The following NEO1 variants were observed in gnomAD, a reference collection of about 807,000 sequenced individuals.
The protein encoded by NEO1 is neogenin.
In NEO1, 63 loss-of-function variants were observed where a neutral mutation model predicts 159.7. That is an observed-to-expected ratio of 0.39 (90% CI 0.32 to 0.49). The LOEUF (loss-of-function observed/expected upper bound fraction) is 0.49, where lower values mean the gene tolerates loss of function less well. NEO1 is among the 20% of genes least tolerant of loss of function. The pLI, the probability that NEO1 is intolerant of heterozygous loss-of-function variation, is 0.85. For synonymous variants in NEO1, 633 were observed against 662.0 expected (o/e 0.96, Z 0.67); for missense variants, 1,615 against 1,831.0 (o/e 0.88, Z 2.15).
At position 73,245,798 on chromosome 15, in the gene NEO1, G is replaced by A. The variant is rs181045028; in HGVS notation, c.1606+1300G>A. On this transcript the variant is annotated intron_variant, in intron 9 of 28. Coordinates refer to ENST00000261908, the MANE Select transcript of NEO1 (RefSeq NM_002499.4). ...GGGTTTCACTGTGTTAGCTAGGATG[G>A]TCTCAATCTCCTGACCTCGTGATCC... Among the ~76,000 whole-genome samples the A allele has an allele frequency of 2.7e-3, 410 of 151,762 alleles. 2 individuals carry two copies. The Middle Eastern group carries it at 0.038, about 14-fold the overall frequency.
intron 1 of NEO1, among the ~76,000 whole-genome samples, chr15:73,089,519 T>C (rs771809933): frequency 6.6e-6 from 1 of 151,986 alleles, no homozygotes; most frequent in African/African-American, 2.4e-5. Context: ...AATAAAAATA[T>C]GCAATGCATG....
intron 5 of NEO1, among the ~76,000 whole-genome samples, chr15:73,174,126 T>C (rs1456022118): frequency 6.6e-6 from 1 of 151,828 alleles, no homozygotes; most frequent in Non-Finnish European, 1.5e-5. Flanking sequence ...TATTAACTAT[T>C]AAAATCTACT....
rs118070272 is a variant in NEO1 at position 73,173,476 on chromosome 15, A to T, written c.1016-2927A>T. 9.0e-3 allele frequency among the ~76,000 whole-genome samples: 1,371 copies of T among 152,274 alleles called. 16 individuals are homozygous for T. The highest frequency in any genetic ancestry group is 0.027 in the Middle Eastern group (8 of 294). On this transcript the variant is annotated intron_variant, in intron 5 of 28. Coordinates refer to ENST00000261908, the MANE Select transcript of NEO1 (RefSeq NM_002499.4). ...CAAATCTGTCATTCTTTTTGGGATG[A>T]CTGATCTTGCCAGATATATGTAAAG...
intron 5 of NEO1, among the ~76,000 whole-genome samples, chr15:73,171,425 G>A (rs986652281): frequency 1.3e-5 from 2 of 151,730 alleles, no homozygotes; most frequent in African/African-American, 4.8e-5. Flanking sequence ...TTAGCTGGGT[G>A]TGGTGGTGCG....
At chr15:73,094,353 T>G (rs1005314756) in intron 1 of NEO1, among the ~76,000 whole-genome samples, 26 of 152,240 alleles carry the variant, frequency 1.7e-4, no homozygotes, top group Non-Finnish European at 4.4e-5. Context: ...TTACTTAGCA[T>G]GATGTTTTCA....
chr15:73,148,762 A>G (rs1274880615), intron 5 of NEO1, among the ~76,000 whole-genome samples: 1 of 152,188 alleles, frequency 6.6e-6, no homozygotes, highest in African/African-American at 2.4e-5. Context: ...ACTTTTTCCC[A>G]GTCCCTATTG....
chr15:73,242,188 A>T (rs966593023), intron 8 of NEO1, among the ~76,000 whole-genome samples: 1 of 152,170 alleles, frequency 6.6e-6, no homozygotes, highest in Admixed American at 6.5e-5. Context: ...GTACTCTCTC[A>T]GAGAGCCTTT....
At position 73,273,903 on chromosome 15, in the gene NEO1, C is replaced by G. The variant is rs1268091952; in HGVS notation, c.3058C>G (p.Gln1020Glu). Reference sequence around the variant, plus strand: ...GGGAAACAGACTGACTCACCAGATACAAGAGTTAACTCTTGACACACCATA... The same window carrying G: ...GGGAAACAGACTGACTCACCAGATAGAAGAGTTAACTCTTGACACACCATA... ...VVGNRLTHQI[Q>E]ELTLDTPYYF... Residue 1020 changes from glutamine (Q) to glutamate (E), a missense_variant, in exon 20 of 29, where the codon CAA becomes GAA. Transcript: ENST00000261908. 6.2e-7 allele frequency: 1 copy of G among 1,613,958 alleles called. No individual in the cohort carries two copies. The highest frequency in any genetic ancestry group is 1.7e-5 in the Admixed American group (1 of 59,994).
rs534725568 is a variant in NEO1 at position 73,163,236 on chromosome 15, G to T, written c.1016-13167G>T. Among the ~76,000 whole-genome samples, 7 of 152,034 alleles carry T rather than the reference G, an allele frequency of 4.6e-5. No individual in the cohort carries two copies. In the South Asian group the frequency reaches 8.3e-4, roughly 18 times the overall value. On this transcript the variant is annotated intron_variant, in intron 5 of 28. Coordinates refer to ENST00000261908, the MANE Select transcript of NEO1 (RefSeq NM_002499.4). The stretch of plus-strand genomic sequence containing the variant: ...TCATTTATTCTGCTAGTTTACCAGA[G>T]ATTTATATTTCATTCTAATAGTTTT...
chr15:73,107,934 CA>C (rs2070772713), intron 1 of NEO1, among the ~76,000 whole-genome samples: 1 of 152,162 alleles, frequency 6.6e-6, no homozygotes, highest in Non-Finnish European at 1.5e-5. Context: ...GCATTCCCAG[CA>C]CTTTGGGAGG....
At chr15:73,264,604 T>C (rs1330450547) in intron 15 of NEO1, among the ~76,000 whole-genome samples, 1 of 152,176 alleles carries the variant, frequency 6.6e-6, no homozygotes, top group Non-Finnish European at 1.5e-5. Flanking sequence ...TTGACCTAGA[T>C]AGATCTAAGA....
intron 23 of NEO1, among the ~76,000 whole-genome samples, chr15:73,283,599 C>T (rs2041820466): frequency 6.6e-6 from 1 of 152,222 alleles, no homozygotes; most frequent in Non-Finnish European, 1.5e-5. Flanking sequence ...TAGCTATACC[C>T]AGCTGGAAGC....
chr15:73,153,794 G>A (rs2033570523), intron 5 of NEO1, among the ~76,000 whole-genome samples: 1 of 152,146 alleles, frequency 6.6e-6, no homozygotes. Context: ...AAAACCCTAT[G>A]TAGAGGTATT....
intron 1 of NEO1, among the ~76,000 whole-genome samples, chr15:73,059,759 T>C (rs1454503680): frequency 6.6e-6 from 1 of 152,228 alleles, no homozygotes; most frequent in East Asian, 1.9e-4. Context: ...CTTAGTTTTA[T>C]AAAGCCAGTA....
At chr15:73,118,356 TA>T (rs1293845252) in intron 2 of NEO1, among the ~76,000 whole-genome samples, 2 of 149,574 alleles carry the variant, frequency 1.3e-5, no homozygotes, top group Non-Finnish European at 2.9e-5. Flanking sequence ...AACTCTTAAA[TA>T]ACAGGCCTGT....
intron 4 of NEO1, among the ~76,000 whole-genome samples, chr15:73,134,611 C>A (rs912014643): frequency 6.6e-6 from 1 of 150,568 alleles, no homozygotes; most frequent in African/African-American, 2.4e-5. Flanking sequence ...AGTGCAATGG[C>A]GTGATCTTGG....
chr15:73,112,446 A>G (rs1024789598), intron 1 of NEO1, among the ~76,000 whole-genome samples: 3 of 152,100 alleles, frequency 2.0e-5, no homozygotes, highest in Non-Finnish European at 2.9e-5. Context: ...TTTTAATGCA[A>G]TAAAGTAAAA....
At chr15:73,084,376 A>G (rs1418420763) in intron 1 of NEO1, among the ~76,000 whole-genome samples, 1 of 152,190 alleles carries the variant, frequency 6.6e-6, no homozygotes, top group Non-Finnish European at 1.5e-5. Context: ...TTTTTAGATT[A>G]CACATTTAAG....
At chr15:73,126,057 C>A in intron 3 of NEO1, among the ~76,000 whole-genome samples, 1 of 152,144 alleles carries the variant, frequency 6.6e-6, no homozygotes, top group Non-Finnish European at 1.5e-5. Context: ...AGTTATACAT[C>A]CTTAAGACCC....
Sources: gnomAD v4.1 joint callset for allele counts (sites outside exome capture counted in the v4.1 genomes callset) on GRCh38, gnomAD v4.1.1 for gene constraint, MANE v1.5 for transcripts, NCBI Gene and HGNC (gene_info 2026-07-23, HGNC 2026-07-21) for gene names.